Variants in CACNA1D observed in about 807,000 individuals in gnomAD.
CACNA1D encodes the protein calcium voltage-gated channel subunit alpha1 D, also known as voltage-dependent L-type calcium channel subunit alpha-1D.
A neutral mutation model predicts 257.1 loss-of-function variants in CACNA1D; 55 were observed. The observed-to-expected ratio is 0.21, with a 90% CI of 0.17 to 0.27. CACNA1D has a LOEUF of 0.27. Among genes scored for constraint, CACNA1D ranks in the 10% least tolerant of loss-of-function variants. The probability of loss-of-function intolerance (pLI) is 1.00; values close to 1 mark genes in which losing one functional copy is unlikely to be tolerated. For synonymous variants in CACNA1D, 980 were observed against 1,014.9 expected, an observed-to-expected ratio of 0.97 and a Z score of 0.65; for missense variants, 1,876 against 2,784.0, an observed-to-expected ratio of 0.67 and a Z score of 7.34.
chr3:53,675,825 G>A (rs923003985), intron 8 of CACNA1D, among the ~76,000 whole-genome samples: 3 of 152,192 alleles, frequency 2.0e-5, no homozygotes, highest in African/African-American at 7.2e-5. Flanking sequence ...AATGACACAT[G>A]AAATTATAAA....
At chr3:53,496,719 T>A (rs999291612) in intron 1 of CACNA1D, among the ~76,000 whole-genome samples, 1 of 151,248 alleles carries the variant, frequency 6.6e-6, no homozygotes, top group Non-Finnish European at 1.5e-5. Flanking sequence ...TGGTACTGCC[T>A]TTTTTTTTCC....
At chr3:53,599,009 T>G (rs1431076383) in intron 3 of CACNA1D, among the ~76,000 whole-genome samples, 3 of 28,948 alleles carry the variant, frequency 1.0e-4, no homozygotes, top group African/African-American at 5.6e-4. Context: ...ATGTTATTGG[T>G]GTGCCTTTTT....
At chr3:53,733,702 A>G (rs2095022914) in intron 19 of CACNA1D, among the ~76,000 whole-genome samples, 1 of 151,986 alleles carries the variant, frequency 6.6e-6, no homozygotes, top group Non-Finnish European at 1.5e-5. Flanking sequence ...GCTCCTGGAA[A>G]GGTTTCTAGA....
intron 42 of CACNA1D, 139 bp downstream of exon 42, chr3:53,801,564 T>A (rs781471429): frequency 1.6e-5 from 18 of 1,109,726 alleles, no homozygotes; most frequent in Non-Finnish European, 2.0e-5. Context: ...TCAGGATCTG[T>A]GAGTGCCCCC....
chr3:53,497,235 C>T lies in CACNA1D; in HGVS notation c.151C>T (p.Leu51=), dbSNP rs1446578574. ...GCCGAATAGCTCCAAGCAAACTGTC[C>T]TGTCTTGGCAAGCTGCAATCGATGC... ...SQPNSSKQTV[L]SWQAAIDAAR... The change falls in exon 2 of 48, where the codon CTG becomes TTG. Residue 51 remains leucine (L), a synonymous_variant. Coordinates refer to ENST00000350061, the MANE Select transcript of CACNA1D (RefSeq NM_001128840.3). The T allele has an allele frequency of 6.2e-7, 1 of 1,614,176 alleles. No homozygotes were observed.
At chr3:53,585,370 A>T (rs1228779307) in intron 3 of CACNA1D, among the ~76,000 whole-genome samples, 2 of 152,198 alleles carry the variant, frequency 1.3e-5, no homozygotes, top group Non-Finnish European at 2.9e-5. Context: ...GCTTCTTAGC[A>T]GATGTGGCTG....
chr3:53,535,617 T>C (rs72964380), intron 3 of CACNA1D, among the ~76,000 whole-genome samples: 1 of 152,194 alleles, frequency 6.6e-6, no homozygotes, highest in Non-Finnish European at 1.5e-5. Flanking sequence ...GTTGTTTCTT[T>C]TGAGGTTGCA....
At chr3:53,785,364 G>A (rs1442763692) in intron 39 of CACNA1D, among the ~76,000 whole-genome samples, 1 of 152,208 alleles carries the variant, frequency 6.6e-6, no homozygotes, top group East Asian at 1.9e-4. Flanking sequence ...CACTTCTCCA[G>A]GCCAGACCAC....
intron 29 of CACNA1D, among the ~76,000 whole-genome samples, chr3:53,757,445 G>GA (rs1468598297): frequency 6.6e-6 from 1 of 152,060 alleles, no homozygotes; most frequent in East Asian, 1.9e-4. Flanking sequence ...GTGGCATGCA[G>GA]ACCTGCACTG....
chr3:53,651,874 C>T (rs2108280109), intron 4 of CACNA1D, among the ~76,000 whole-genome samples: 1 of 152,168 alleles, frequency 6.6e-6, no homozygotes, highest in Admixed American at 6.5e-5. Flanking sequence ...AATCTTTTGC[C>T]TTTTCATTGG....
intron 3 of CACNA1D, among the ~76,000 whole-genome samples, chr3:53,630,215 C>A: frequency 6.6e-6 from 1 of 152,240 alleles, no homozygotes; most frequent in African/African-American, 2.4e-5. Flanking sequence ...AGCATATCCA[C>A]TTGCTTGCAC....
At position 53,798,467 on chromosome 3, in the gene CACNA1D, A is replaced by G. The variant is rs572166033; in HGVS notation, c.4924-1782A>G. Among the ~76,000 whole-genome samples the G allele has an allele frequency of 1.2e-3, 182 of 152,284 alleles. 1 individual carries two copies. Among genetic ancestry groups the G allele is most frequent in the African/African-American group, 4.2e-3 (176 of 41,568 alleles). On this transcript the variant is annotated intron_variant, in intron 40 of 47. Transcript: ENST00000350061. ...AAGAAGCAGCCTCCCTGACCACCCC[A>G]AGAACTGTCTTGGTTTGACCCGGGA...
chr3:53,718,596 C>CCCCCCCCCCCCA, intron 10 of CACNA1D: 2 of 951,848 alleles, frequency 2.1e-6, no homozygotes, highest in Non-Finnish European at 3.2e-6. Context: ...CCCCGCCCCC[C>CCCCCCCCCCCCA]GGCCCAGCAT....
intron 3 of CACNA1D, among the ~76,000 whole-genome samples, chr3:53,618,130 T>C (rs1039439253): frequency 3.3e-5 from 5 of 152,194 alleles, no homozygotes; most frequent in Admixed American, 6.5e-5. Context: ...CCGCCAGCTC[T>C]TGTGGTCCCA....
chr3:53,628,484 AG>A (rs1305943561), intron 3 of CACNA1D, among the ~76,000 whole-genome samples: 3 of 152,222 alleles, frequency 2.0e-5, no homozygotes, highest in Non-Finnish European at 4.4e-5. Context: ...AGTATTTTGC[AG>A]AAACTATTAT....
intron 3 of CACNA1D, among the ~76,000 whole-genome samples, chr3:53,549,580 T>C (rs1311681573): frequency 6.6e-6 from 1 of 152,216 alleles, no homozygotes; most frequent in East Asian, 1.9e-4. Flanking sequence ...CTCAAATGAC[T>C]GTTCAGAGAC....
chr3:53,758,567 G>A (rs2095281011), intron 29 of CACNA1D, among the ~76,000 whole-genome samples: 1 of 152,222 alleles, frequency 6.6e-6, no homozygotes, highest in Non-Finnish European at 1.5e-5. Flanking sequence ...GATGGATGGT[G>A]ACAATAGGGT....
intron 3 of CACNA1D, among the ~76,000 whole-genome samples, chr3:53,648,320 C>T (rs1394036095): frequency 6.6e-6 from 1 of 152,096 alleles, no homozygotes; most frequent in Non-Finnish European, 1.5e-5. Flanking sequence ...TGACAATCTG[C>T]CTTTGGTGGT....
At chr3:53,663,784 T>G (rs2108351229) in intron 5 of CACNA1D, among the ~76,000 whole-genome samples, 1 of 152,120 alleles carries the variant, frequency 6.6e-6, no homozygotes, top group Middle Eastern at 3.4e-3. Context: ...ATCGTCTCTC[T>G]CTCTCTCTCT....
Sources: gnomAD v4.1 joint callset for allele counts (sites outside exome capture counted in the v4.1 genomes callset) on GRCh38, gnomAD v4.1.1 for gene constraint, MANE v1.5 for transcripts, NCBI Gene and HGNC (gene_info 2026-07-23, HGNC 2026-07-21) for gene names.